LMF1: variants seen among roughly 807,000 people sequenced by gnomAD.
LMF1 encodes transmembrane protein 112.
LMF1 carries 68 observed loss-of-function variants against 60.6 expected under a neutral mutation model. That is an observed-to-expected ratio of 1.12 (90% CI 0.92 to 1.37). The LOEUF is 1.37. Ranked by LOEUF, LMF1 falls within the 40% of genes most tolerant of loss-of-function variation. The pLI is 0.00. For missense variants in LMF1, 948 were observed against 767.2 expected, an observed-to-expected ratio of 1.24 and a Z score of -2.78; for synonymous variants, 418 against 324.7, an observed-to-expected ratio of 1.29 and a Z score of -3.09.
At chr16:862,213 T>C (rs1354421381) in intron 10 of LMF1, among the ~76,000 whole-genome samples, 1 of 151,934 alleles carries the variant, frequency 6.6e-6, no homozygotes, top group Non-Finnish European at 1.5e-5. Context: ...TCTCACTCTG[T>C]TGCCGAGGCT....
chr16:859,971 T>C (rs2069404816), intron 10 of LMF1, among the ~76,000 whole-genome samples: 1 of 150,214 alleles, frequency 6.7e-6, no homozygotes, highest in Non-Finnish European at 1.5e-5. Context: ...TGGTACCGGA[T>C]GGGTGTGCAG....
intron 3 of LMF1, among the ~76,000 whole-genome samples, chr16:923,597 C>T (rs1275335186): frequency 2.0e-5 from 3 of 152,148 alleles, no homozygotes; most frequent in Admixed American, 6.6e-5. Flanking sequence ...GAGAAATCCT[C>T]CCTAAGAGCA....
chr16:882,900 CCATCGCAGGACCAGGAGAAAGAGGAGCT>C (rs2070204459), intron 5 of LMF1, among the ~76,000 whole-genome samples: 1 of 151,162 alleles, frequency 6.6e-6, no homozygotes, highest in Admixed American at 6.6e-5. Flanking sequence ...CCAGCGGAGC[CCATCGCAGGACCAGGAGAAAGAGGAGCT>C]GCTCAGCAGA....
At chr16:971,132 C>T (rs2073044593), upstream of LMF1, 1 of 748,670 alleles carries the variant, frequency 1.3e-6, no homozygotes, top group Non-Finnish European at 1.9e-6. Flanking sequence ...GAGGCACCGC[C>T]CCCTCCAGCC....
rs939713700 is a variant in LMF1 at position 870,711 on chromosome 16, G to A, written c.1232+18C>T. 6.2e-7 allele frequency: 1 copy of A among 1,612,190 alleles called. No homozygotes were observed. The highest frequency in any genetic ancestry group is 8.5e-7 in the Non-Finnish European group (1 of 1,179,686). ...CCCATATACCCAGCTCCGGGGGACG[G>A]GGACCCCAGGCTCATACCTTCCGAA... On this transcript the variant is annotated intron_variant, in intron 8 of 10. Coordinates refer to ENST00000262301, the MANE Select transcript of LMF1 (RefSeq NM_022773.4).
intron 10 of LMF1, among the ~76,000 whole-genome samples, chr16:864,528 G>GT (rs1471027259): frequency 3.3e-5 from 5 of 152,166 alleles, no homozygotes; most frequent in African/African-American, 1.2e-4. Context: ...TTCTGAGCAC[G>GT]TTTAAGGTAG....
intron 6 of LMF1, 159 bp from the exon 7 acceptor site, chr16:871,500 G>A: frequency 2.8e-6 from 2 of 714,152 alleles, no homozygotes; most frequent in Non-Finnish European, 4.6e-6. Flanking sequence ...ACCCAGCTGT[G>A]CCTTCATGGA....
At chr16:858,052 G>GAGTGGTGT in intron 10 of LMF1, among the ~76,000 whole-genome samples, 1 of 89,204 alleles carries the variant, frequency 1.1e-5, no homozygotes. Context: ...GGATGGGTGT[G>GAGTGGTGT]CAGTGGTGTC....
intron 10 of LMF1, among the ~76,000 whole-genome samples, chr16:856,929 T>C (rs1158214207): frequency 6.6e-6 from 1 of 152,212 alleles, no homozygotes; most frequent in Non-Finnish European, 1.5e-5. Context: ...ACGGGTCCCA[T>C]CCACGCCCGG....
chr16:891,420 C>A (rs1022549784), intron 5 of LMF1, among the ~76,000 whole-genome samples: 1 of 152,198 alleles, frequency 6.6e-6, no homozygotes, highest in Non-Finnish European at 1.5e-5. Context: ...ACATGGTGGG[C>A]GCCTCAGCAT....
intron 3 of LMF1, among the ~76,000 whole-genome samples, chr16:929,216 T>C (rs1374950656): frequency 6.6e-6 from 1 of 152,222 alleles, no homozygotes; most frequent in East Asian, 1.9e-4. Context: ...GGACCGGCCC[T>C]GGTCTCAGTC....
chr16:971,084 C>G (rs887973338), upstream of LMF1: 25 of 1,205,968 alleles, frequency 2.1e-5, no homozygotes, highest in Non-Finnish European at 2.6e-5. Flanking sequence ...CGGCCGAAGG[C>G]CCCACCCACA....
At chr16:968,621 C>T (rs907331336) in intron 1 of LMF1, 3 of 152,214 alleles carry the variant, frequency 2.0e-5, no homozygotes, top group Non-Finnish European at 2.9e-5. Flanking sequence ...AGATGGGAAA[C>T]TGGTTCCTTG....
chr16:915,740 G>A (rs962748114), intron 3 of LMF1, among the ~76,000 whole-genome samples: 3 of 152,256 alleles, frequency 2.0e-5, no homozygotes, highest in Non-Finnish European at 4.4e-5. Context: ...AAGTCCTGGA[G>A]GCCAGCAGCC....
At chr16:915,419 T>A (rs2071253160) in intron 3 of LMF1, among the ~76,000 whole-genome samples, 1 of 151,928 alleles carries the variant, frequency 6.6e-6, no homozygotes, top group South Asian at 2.1e-4. Flanking sequence ...CAGGCAGAGG[T>A]GCGTGCTCAC....
At chr16:937,058 T>C (rs1401263222) in intron 2 of LMF1, among the ~76,000 whole-genome samples, 1 of 152,192 alleles carries the variant, frequency 6.6e-6, no homozygotes, top group East Asian at 1.9e-4. Flanking sequence ...ACAAGCGTTG[T>C]GCAGAGAAGG....
chr16:972,502 C>T (rs7189998), upstream of LMF1, among the ~76,000 whole-genome samples: 13 of 152,240 alleles, frequency 8.5e-5, no homozygotes, highest in East Asian at 1.4e-3. Context: ...TAGGAAGGGC[C>T]GGCACAGCCC....
chr16:874,999 C>G lies in LMF1; in HGVS notation c.898-3658G>C, dbSNP rs2069929792. Among the ~76,000 whole-genome samples the G allele has an allele frequency of 6.6e-6, 1 of 152,208 alleles. No homozygotes were observed. Among genetic ancestry groups the G allele is most frequent in the African/African-American group, 2.4e-5 (1 of 41,444 alleles). On this transcript the variant is annotated intron_variant, in intron 6 of 10. Coordinates refer to ENST00000262301, the MANE Select transcript of LMF1 (RefSeq NM_022773.4). This position sits in a 1 kb window ranked among gnomAD's most constrained non-coding sequence, Gnocchi z 4.1. ...GGGGCAGGATACATCGCAGCCGGGA[C>G]TGCCGGCCGACCATCTTGTCTTCCA...
At position 879,745 on chromosome 16, in the gene LMF1, G is replaced by A. The variant is rs1028987219; in HGVS notation, c.730-8C>T. 4 of 1,573,614 alleles carry A rather than the reference G, an allele frequency of 2.5e-6. No individual in the cohort carries two copies. Among genetic ancestry groups the A allele is most frequent in the African/African-American group, 2.7e-5 (2 of 74,048 alleles). ...ATTGGGCATCGGCTGGGTCTGCAGG[G>A]ACAGGAGGGGCCGTGAGGTGCCTGG... On this transcript the variant is annotated splice_polypyrimidine_tract_variant and splice_region_variant and intron_variant, in intron 5 of 10. Transcript: ENST00000262301.
Sources: allele counts gnomAD v4.1 joint callset (sites outside exome capture counted in the v4.1 genomes callset), GRCh38; gene constraint gnomAD v4.1.1; non-coding constraint Gnocchi (gnomAD v3.1); transcripts MANE v1.5; gene names NCBI Gene and HGNC (gene_info 2026-07-23, HGNC 2026-07-21).